Variants in CCDC93 observed in about 807,000 individuals in gnomAD.
CCDC93 encodes coiled-coil domain-containing protein 93.
In CCDC93, 61 loss-of-function variants were observed where a neutral mutation model predicts 108.2. That is an observed-to-expected ratio of 0.56 (90% CI 0.46 to 0.70). The LOEUF (loss-of-function observed/expected upper bound fraction) is 0.70. Among genes scored for constraint, CCDC93 ranks in the 30% least tolerant of loss-of-function variants. CCDC93 has a pLI of 0.00. For synonymous variants in CCDC93, 276 were observed against 260.4 expected (o/e 1.06, Z -0.58); for missense variants, 685 against 764.2 (o/e 0.90, Z 1.22).
At chr2:117,928,336 G>A (rs1384178102) in intron 23 of CCDC93, among the ~76,000 whole-genome samples, 1 of 152,066 alleles carries the variant, frequency 6.6e-6, no homozygotes, top group Non-Finnish European at 1.5e-5. Flanking sequence ...CCTAAAGAAT[G>A]GGAGAAAATT....
intron 6 of CCDC93, among the ~76,000 whole-genome samples, chr2:117,990,494 T>C (rs1680444194): frequency 6.6e-6 from 1 of 152,240 alleles, no homozygotes; most frequent in African/African-American, 2.4e-5. Flanking sequence ...CCTTTCTGCC[T>C]GGCAATCTGG....
chr2:117,946,097 C>T (rs1171807375), intron 16 of CCDC93, among the ~76,000 whole-genome samples: 2 of 152,136 alleles, frequency 1.3e-5, no homozygotes, highest in Admixed American at 1.3e-4. Flanking sequence ...AGAGTGATAA[C>T]GGCCCTGCAA....
chr2:117,972,796 C>A (rs1448057379), intron 11 of CCDC93, among the ~76,000 whole-genome samples: 1 of 152,112 alleles, frequency 6.6e-6, no homozygotes, highest in Non-Finnish European at 1.5e-5. Context: ...TAACAAACAT[C>A]CTTTTCTGGT....
chr2:117,988,716 T>A (rs1464070650), intron 6 of CCDC93, among the ~76,000 whole-genome samples: 1 of 152,356 alleles, frequency 6.6e-6, no homozygotes, highest in African/African-American at 2.4e-5. Context: ...AAGTGCTTCT[T>A]AAAAATTCTC....
rs758210273 is a variant in CCDC93, at chr2:117,948,097, A to G, written c.1224+8T>C. 27 of 1,606,148 alleles carry G rather than the reference A, an allele frequency of 1.7e-5. No individual in the cohort carries two copies. Among genetic ancestry groups the G allele is most frequent in the Admixed American group, 1.7e-4 (10 of 59,910 alleles). ...CTGGTTTATTTGCTGACACCAAACA[A>G]CACTTACTCGACAATGTGCTTTAAA... is the stretch of plus-strand genomic sequence containing the variant. On this transcript the variant is annotated splice_region_variant and intron_variant, in intron 15 of 23. Transcript: ENST00000376300.
At chr2:117,927,725 C>G (rs893981361) in intron 23 of CCDC93, among the ~76,000 whole-genome samples, 9 of 152,266 alleles carry the variant, frequency 5.9e-5, no homozygotes, top group Non-Finnish European at 1.2e-4. Context: ...CATCAAGCTA[C>G]CAATGACTTT....
intron 3 of CCDC93, among the ~76,000 whole-genome samples, chr2:118,004,792 G>A (rs1036187671): frequency 3.3e-5 from 5 of 152,166 alleles, no homozygotes; most frequent in African/African-American, 1.2e-4. Context: ...GCACTTAAGA[G>A]ACACACATCA....
chr2:117,942,398 G>A (rs1204179347), intron 18 of CCDC93, among the ~76,000 whole-genome samples: 2 of 152,034 alleles, frequency 1.3e-5, no homozygotes, highest in Admixed American at 6.5e-5. Flanking sequence ...TGAGAGCCAT[G>A]CACATGGGAG....
chr2:117,950,751 A>T (rs1358390398), intron 13 of CCDC93: 2 of 985,446 alleles, frequency 2.0e-6, no homozygotes, highest in African/African-American at 3.5e-5. Flanking sequence ...GTTGTTCAGT[A>T]CTAGGTTTTA....
At chr2:117,967,982 C>A (rs1051455132) in intron 11 of CCDC93, among the ~76,000 whole-genome samples, 5 of 152,112 alleles carry the variant, frequency 3.3e-5, no homozygotes, top group Non-Finnish European at 4.4e-5. Context: ...AAAGAATCTG[C>A]ATGGAGAGGC....
chr2:117,981,593 G>C (rs1680118214), intron 7 of CCDC93, among the ~76,000 whole-genome samples: 1 of 152,154 alleles, frequency 6.6e-6, no homozygotes, highest in South Asian at 2.1e-4. Flanking sequence ...TTTAAATCAA[G>C]GATGTACATT....
chr2:117,994,431 GA>G (rs1485352702), intron 6 of CCDC93, among the ~76,000 whole-genome samples: 1 of 151,832 alleles, frequency 6.6e-6, no homozygotes, highest in Non-Finnish European at 1.5e-5. Flanking sequence ...ATGGAATTGA[GA>G]AAAAAAACAA....
At position 117,958,088 on chromosome 2, in the gene CCDC93, CA is replaced by C. The variant is rs369263176; in HGVS notation, c.1005+276del. 3.6e-3 allele frequency among the ~76,000 whole-genome samples: 543 copies of C among 152,242 alleles called. 5 individuals carry two copies. The highest frequency in any genetic ancestry group is 0.013 in the African/African-American group (524 of 41,540). On this transcript the variant is annotated intron_variant, in intron 12 of 23. Transcript: ENST00000376300. ...GATCTTTTCCTATGACAGAAGTTAG[CA>C]AATTTTTTCTGCAAAGGGCTGGATA...
At chr2:117,936,550 C>G in intron 21 of CCDC93, 152 bp downstream of exon 21, 1 of 707,738 alleles carries the variant, frequency 1.4e-6, no homozygotes, top group Non-Finnish European at 2.6e-6. Context: ...AAACAAGATA[C>G]TTAGCAGAAG....
intron 11 of CCDC93, among the ~76,000 whole-genome samples, chr2:117,960,264 C>A (rs1370772616): frequency 6.6e-6 from 1 of 152,156 alleles, no homozygotes; most frequent in African/African-American, 2.4e-5. Flanking sequence ...TACAGTATGT[C>A]TCTATGTTTG....
intron 11 of CCDC93, among the ~76,000 whole-genome samples, chr2:117,959,202 A>G (rs1012933273): frequency 3.3e-5 from 5 of 152,236 alleles, no homozygotes; most frequent in African/African-American, 1.2e-4. Flanking sequence ...CACACAAAGA[A>G]GTAAGCAGCT....
In CCDC93 at chr2:117,995,224, G is replaced by A. The variant is rs1680606936; in HGVS notation, c.519+222C>T. 2.0e-5 allele frequency among the ~76,000 whole-genome samples: 3 copies of A among 152,226 alleles called. No individual in the cohort carries two copies. In the South Asian group the frequency reaches 6.2e-4, roughly 32 times the overall value. On this transcript the variant is annotated intron_variant, in intron 6 of 23. Coordinates refer to ENST00000376300, the MANE Select transcript of CCDC93 (RefSeq NM_019044.5). ...GGCTATTCCTCCCTTAAAAGTGGAA[G>A]TGAGGGGACAGAACAGTAGTGTGGC...
intron 22 of CCDC93, among the ~76,000 whole-genome samples, chr2:117,933,585 C>A (rs988519263): frequency 1.3e-5 from 2 of 152,100 alleles, no homozygotes; most frequent in Non-Finnish European, 2.9e-5. Flanking sequence ...TGTTACCCAG[C>A]GCTGGTCTAC....
intron 1 of CCDC93, among the ~76,000 whole-genome samples, chr2:118,011,988 A>G (rs915820761): frequency 6.6e-6 from 1 of 152,248 alleles, no homozygotes; most frequent in Non-Finnish European, 1.5e-5. Flanking sequence ...TGTTGAAGCT[A>G]AATTTCTGAC....
Sources: gnomAD v4.1 joint callset for allele counts (sites outside exome capture counted in the v4.1 genomes callset) on GRCh38, gnomAD v4.1.1 for gene constraint, MANE v1.5 for transcripts, NCBI Gene and HGNC (gene_info 2026-07-23, HGNC 2026-07-21) for gene names.